ME3: variants seen among roughly 807,000 people sequenced by gnomAD.
The protein encoded by ME3 is NADP-dependent malic enzyme, mitochondrial.
ME3 carries 48 observed loss-of-function variants against 68.9 expected under a neutral mutation model. The observed-to-expected ratio is 0.70, with a 90% confidence interval of 0.55 to 0.89. The LOEUF (loss-of-function observed/expected upper bound fraction) is 0.89. Among genes scored for constraint, ME3 ranks in the 40% least tolerant of loss-of-function variants. The pLI is 0.00. For missense variants in ME3, 675 were observed against 797.4 expected, an observed-to-expected ratio of 0.85 and a Z score of 1.85; for synonymous variants, 320 against 318.8, an observed-to-expected ratio of 1.00 and a Z score of -0.04.
At chr11:86,582,626 G>A (rs1443348927) in intron 2 of ME3, among the ~76,000 whole-genome samples, 1 of 152,120 alleles carries the variant, frequency 6.6e-6, no homozygotes, top group African/African-American at 2.4e-5. Flanking sequence ...TAAATGAGCA[G>A]CAATGACAAG....
chr11:86,606,315 T>C (rs1443036631), intron 2 of ME3, among the ~76,000 whole-genome samples: 3 of 152,198 alleles, frequency 2.0e-5, no homozygotes, highest in Non-Finnish European at 4.4e-5. Flanking sequence ...CCTGGGCCTT[T>C]GCCATACTGT....
At chr11:86,670,265 A>ATC (rs1946837571) in intron 2 of ME3, among the ~76,000 whole-genome samples, 1 of 152,232 alleles carries the variant, frequency 6.6e-6, no homozygotes, top group Non-Finnish European at 1.5e-5. Context: ...TGGTGTGAGA[A>ATC]CAGGAGATGG....
At chr11:86,620,392 T>TAA (rs1943271101) in intron 2 of ME3, among the ~76,000 whole-genome samples, 1 of 152,230 alleles carries the variant, frequency 6.6e-6, no homozygotes, top group Non-Finnish European at 1.5e-5. Flanking sequence ...CTTCTCTTAT[T>TAA]GAAAAGACAT....
intron 4 of ME3, among the ~76,000 whole-genome samples, chr11:86,547,204 C>T (rs1956408367): frequency 1.6e-5 from 1 of 61,872 alleles, no homozygotes; most frequent in Non-Finnish European, 3.2e-5. Flanking sequence ...TGCCACTGCA[C>T]ACTCCAGCCT....
intron 2 of ME3, among the ~76,000 whole-genome samples, chr11:86,591,767 C>G (rs1959073267): frequency 6.6e-6 from 1 of 152,008 alleles, no homozygotes; most frequent in African/African-American, 2.4e-5. Flanking sequence ...GGGGAAACTC[C>G]CCTTTTTTAA....
chr11:86,618,852 C>G (rs1420483340), intron 2 of ME3, among the ~76,000 whole-genome samples: 1 of 151,972 alleles, frequency 6.6e-6, no homozygotes, highest in East Asian at 1.9e-4. Flanking sequence ...GCTGGGATTA[C>G]AGGCACATGC....
At chr11:86,576,774 G>A (rs2139584511) in intron 2 of ME3, among the ~76,000 whole-genome samples, 1 of 152,228 alleles carries the variant, frequency 6.6e-6, no homozygotes, top group East Asian at 1.9e-4. Flanking sequence ...GCTTCTTCCT[G>A]GTAGACCAAG....
chr11:86,445,408 C>T (rs765410746), intron 13 of ME3, among the ~76,000 whole-genome samples: 3 of 152,218 alleles, frequency 2.0e-5, no homozygotes, highest in Admixed American at 6.5e-5. Flanking sequence ...CCAGACAGGG[C>T]TGTGTGGAAG....
intron 2 of ME3, among the ~76,000 whole-genome samples, chr11:86,587,032 T>C (rs1958777025): frequency 6.6e-6 from 1 of 152,222 alleles, no homozygotes; most frequent in South Asian, 2.1e-4. Flanking sequence ...AAATAAAGAA[T>C]GAGTCAGGAG....
At chr11:86,558,877 G>A (rs1336186013) in intron 3 of ME3, among the ~76,000 whole-genome samples, 1 of 152,144 alleles carries the variant, frequency 6.6e-6, no homozygotes, top group Admixed American at 6.5e-5. Context: ...GACCCATAGA[G>A]GCTAAGTAAC....
intron 5 of ME3, among the ~76,000 whole-genome samples, chr11:86,501,395 A>T (rs937833703): frequency 2.0e-5 from 3 of 152,214 alleles, no homozygotes; most frequent in Non-Finnish European, 4.4e-5. Context: ...CAGAAAGACC[A>T]TGCAATAATT....
chr11:86,649,094 G>A (rs1055347179), intron 2 of ME3, among the ~76,000 whole-genome samples: 6 of 152,154 alleles, frequency 3.9e-5, no homozygotes, highest in African/African-American at 1.4e-4. Flanking sequence ...GAATCCAGCA[G>A]CACATTAAAA....
intron 2 of ME3, among the ~76,000 whole-genome samples, chr11:86,633,146 G>A (rs1415143749): frequency 6.6e-6 from 1 of 152,194 alleles, no homozygotes; most frequent in Non-Finnish European, 1.5e-5. Context: ...TCTGGTCACA[G>A]AAACTCATCT....
At chr11:86,528,758 T>C (rs1369787942) in intron 4 of ME3, among the ~76,000 whole-genome samples, 1 of 151,472 alleles carries the variant, frequency 6.6e-6, no homozygotes, top group Non-Finnish European at 1.5e-5. Context: ...GAATGACTAC[T>C]AGGTACATAA....
At chr11:86,570,299 A>C (rs1957718570) in intron 2 of ME3, among the ~76,000 whole-genome samples, 1 of 152,212 alleles carries the variant, frequency 6.6e-6, no homozygotes, top group African/African-American at 2.4e-5. Flanking sequence ...GTGGGCAATT[A>C]GCTCTGAGAT....
At chr11:86,448,405 C>T (rs1346108164) in intron 10 of ME3, 150 bp from the exon 11 acceptor site, 6 of 629,690 alleles carry the variant, frequency 9.5e-6, no homozygotes, top group African/African-American at 1.8e-5. Context: ...TTCTTGACTA[C>T]ATTTCCTGGC....
chr11:86,488,790 A>G (rs1381131384), intron 6 of ME3, among the ~76,000 whole-genome samples: 1 of 152,202 alleles, frequency 6.6e-6, no homozygotes, highest in Non-Finnish European at 1.5e-5. Context: ...GTTGCCTTCT[A>G]GGTGCTGACA....
intron 4 of ME3, among the ~76,000 whole-genome samples, chr11:86,532,954 A>T (rs1955370272): frequency 6.6e-6 from 1 of 151,910 alleles, no homozygotes; most frequent in South Asian, 2.1e-4. Context: ...CAGGAGGCTG[A>T]GGTGGGAGAA....
At chr11:86,578,664 C>T (rs1405809683) in intron 2 of ME3, among the ~76,000 whole-genome samples, 1 of 152,124 alleles carries the variant, frequency 6.6e-6, no homozygotes, top group Non-Finnish European at 1.5e-5. Flanking sequence ...GTCATTTTGT[C>T]CTGAAGAAAG....
Sources: allele counts gnomAD v4.1 joint callset (sites outside exome capture counted in the v4.1 genomes callset), GRCh38; gene constraint gnomAD v4.1.1; transcripts MANE v1.5; gene names NCBI Gene and HGNC (gene_info 2026-07-23, HGNC 2026-07-21).